The following HIPK1 variants were observed in gnomAD, a reference collection of about 807,000 sequenced individuals.
HIPK1 encodes the protein homeodomain interacting protein kinase 1.
A neutral mutation model predicts 117.1 loss-of-function variants in HIPK1; 28 were observed. The ratio of observed to expected loss-of-function variants is 0.24; its 90% CI spans 0.18 to 0.33. HIPK1 has a LOEUF of 0.33. Ranked by LOEUF, HIPK1 falls within the 10% of genes least tolerant of loss-of-function variation. HIPK1 has a pLI of 1.00. For synonymous variants in HIPK1, 605 were observed against 562.5 expected, an observed-to-expected ratio of 1.08 and a Z score of -1.07; for missense variants, 1,122 against 1,475.1, an observed-to-expected ratio of 0.76 and a Z score of 3.92.
intron 13 of HIPK1, among the ~76,000 whole-genome samples, chr1:113,969,606 C>T (rs1006204244): frequency 8.5e-5 from 13 of 152,214 alleles, no homozygotes; most frequent in Non-Finnish European, 1.6e-4. Context: ...ATCTAAGAAA[C>T]ATTGCTTAAA....
rs1673163639 is a variant in HIPK1 at position 113,976,894 on chromosome 1, G to GT, written c.*3383dup. On this transcript the variant is annotated 3_prime_UTR_variant, in exon 16 of 16. Transcript: ENST00000426820. ...GAGAAGAAGCGGAGAAGGGTTCAGT[G>GT]TAGCCACTCTGGGCTCATAGGGACA... The GT allele has an allele frequency of 6.5e-6, 1 of 152,782 alleles. No individual in the cohort carries two copies. Among genetic ancestry groups the GT allele is most frequent in the African/African-American group, 2.4e-5 (1 of 41,456 alleles). 9.5% of individuals were successfully genotyped at this position (152,782 alleles called of 1,614,324 possible).
Position 113,973,318 on chromosome 1 carries a change from A to G in HIPK1, c.3439A>G (p.Thr1147Ala), listed in dbSNP as rs774661494. 1.2e-6 allele frequency: 2 copies of G among 1,613,412 alleles called. No homozygotes were observed. Among genetic ancestry groups the G allele is most frequent in the Non-Finnish European group, 1.7e-6 (2 of 1,179,846 alleles). Residue 1147 changes from threonine (T) to alanine (A), a missense_variant, in exon 16 of 16, where the codon ACT (threonine) becomes GCT (alanine). Transcript: ENST00000426820. ...CTCAAGGCATGCTGCAGCCTATACC[A>G]CTCACCCTAGCACTTTGGTGCACCA... ...GSSRHAAAYT[T>A]HPSTLVHQVP...
chr1:113,929,581 C>T (rs778014140), intron 1 of HIPK1, 49 bp downstream of exon 1: 5 of 1,256,534 alleles, frequency 4.0e-6, no homozygotes, highest in Non-Finnish European at 4.2e-6. Flanking sequence ...GAGGCGGGGC[C>T]GGCCGGGTTG....
At chr1:113,942,394 A>G (rs1307609955) in intron 2 of HIPK1, among the ~76,000 whole-genome samples, 3 of 152,126 alleles carry the variant, frequency 2.0e-5, no homozygotes, top group Non-Finnish European at 4.4e-5. Context: ...ACACAAAGAT[A>G]TTTACTTATT....
rs1673044044 is a variant in HIPK1 at position 113,974,586 on chromosome 1, T to C, written c.*1074T>C. The C allele has an allele frequency of 6.5e-6, 1 of 152,768 alleles. No individual in the cohort carries two copies. Among genetic ancestry groups the C allele is most frequent in the African/African-American group, 2.4e-5 (1 of 41,460 alleles). 9.5% of individuals were successfully genotyped at this position (152,768 alleles called of 1,614,324 possible). A position where few individuals can be genotyped will look rare whatever the true frequency, so the allele number is the denominator to read the frequency against. On this transcript the variant is annotated 3_prime_UTR_variant, in exon 16 of 16. Transcript: ENST00000426820. The stretch of plus-strand genomic sequence containing the variant: ...TGAAACCAGATAAGAACATTTCTTG[T>C]GTATAGCTTTTATACTTCAAAGTAG...
intron 8 of HIPK1, among the ~76,000 whole-genome samples, chr1:113,961,937 C>A: frequency 1.0e-5 from 1 of 98,324 alleles, no homozygotes; most frequent in Non-Finnish European, 1.8e-5. Context: ...AGCGAGACTC[C>A]ATCTCAAAAA....
At chr1:113,945,291 C>T (rs1670917156) in intron 2 of HIPK1, among the ~76,000 whole-genome samples, 1 of 152,106 alleles carries the variant, frequency 6.6e-6, no homozygotes, top group African/African-American at 2.4e-5. Flanking sequence ...CCTTGGGTTG[C>T]CTTTTTACCT....
intron 3 of HIPK1, among the ~76,000 whole-genome samples, chr1:113,954,301 T>C (rs900473773): frequency 6.6e-6 from 1 of 152,214 alleles, no homozygotes; most frequent in Non-Finnish European, 1.5e-5. Flanking sequence ...TAAATACACT[T>C]CTACCTTGTC....
chr1:113,930,594 G>C (rs998288302), intron 1 of HIPK1: 1 of 152,612 alleles, frequency 6.6e-6, no homozygotes, highest in East Asian at 1.9e-4. Flanking sequence ...ACAAAAGGGA[G>C]GGGGAAGGTG....
intron 1 of HIPK1, among the ~76,000 whole-genome samples, chr1:113,937,134 C>G (rs548334644): frequency 6.6e-6 from 1 of 152,132 alleles, no homozygotes; most frequent in African/African-American, 2.4e-5. Context: ...ATTGTACTGA[C>G]CTTAGCTTTT....
At chr1:113,942,376 C>G (rs1286362224) in intron 2 of HIPK1, among the ~76,000 whole-genome samples, 1 of 152,180 alleles carries the variant, frequency 6.6e-6, no homozygotes, top group Non-Finnish European at 1.5e-5. Flanking sequence ...TTTGAAGAGT[C>G]TTGAAATACA....
intron 1 of HIPK1, 155 bp downstream of exon 1, chr1:113,929,687 C>T (rs1157553518): frequency 9.2e-6 from 8 of 866,936 alleles, no homozygotes; most frequent in Non-Finnish European, 1.2e-5. Flanking sequence ...CAGCAGGAGG[C>T]CGAGGCGGGA....
chr1:113,946,088 A>C (rs185990235), intron 2 of HIPK1, among the ~76,000 whole-genome samples: 2 of 152,170 alleles, frequency 1.3e-5, no homozygotes, highest in African/African-American at 4.8e-5. Flanking sequence ...AACCTTGGCT[A>C]ACTTTAAGAA....
chr1:113,967,757 T>C lies in HIPK1; in HGVS notation c.2382-9T>C. On this transcript the variant is annotated splice_polypyrimidine_tract_variant and intron_variant, in intron 11 of 15. Transcript: ENST00000426820. ...GAATTCACTCTTCTCTTTCTTTCTG[T>C]TGGTACAGGAATGCCCACTCTCATG... 1 of 1,481,444 alleles carries C rather than the reference T, an allele frequency of 6.8e-7. No individual in the cohort carries two copies. The highest frequency in any genetic ancestry group is 9.0e-7 in the Non-Finnish European group (1 of 1,115,914). 91.8% of individuals were successfully genotyped at this position (1,481,444 alleles called of 1,614,324 possible).
intron 1 of HIPK1, among the ~76,000 whole-genome samples, chr1:113,934,873 C>T (rs1571643168): frequency 6.7e-6 from 1 of 148,542 alleles, no homozygotes; most frequent in East Asian, 2.0e-4. Flanking sequence ...GCCTGTAGTC[C>T]TAGCTACTTG....
At chr1:113,949,555 A>G (rs1301275609) in intron 2 of HIPK1, among the ~76,000 whole-genome samples, 1 of 151,320 alleles carries the variant, frequency 6.6e-6, no homozygotes, top group Non-Finnish European at 1.5e-5. Context: ...GCCTCTAGCC[A>G]CCTGCAACAG....
At position 113,962,285 on chromosome 1, in the gene HIPK1, A is replaced by G. The variant is rs780273893; in HGVS notation, c.1982-32A>G. The G allele has an allele frequency of 8.1e-6, 13 of 1,608,486 alleles. No homozygotes were observed. The Admixed American group carries it at 2.0e-4, about 25-fold the overall frequency. ...TAAAACAGTACTCCCAGACCTTGCA[A>G]AACTATTTAACTGTGATGCTGTTTT... On this transcript the variant is annotated intron_variant, in intron 8 of 15. Coordinates refer to ENST00000426820, the MANE Select transcript of HIPK1 (RefSeq NM_198268.3).
At chr1:113,932,296 A>G (rs1358868556) in intron 1 of HIPK1, 1 of 152,086 alleles carries the variant, frequency 6.6e-6, no homozygotes, top group Non-Finnish European at 1.5e-5. Flanking sequence ...GCTTAAGGAA[A>G]AAGAATGAGA....
intron 10 of HIPK1, among the ~76,000 whole-genome samples, chr1:113,964,395 A>C (rs773558400): frequency 2.0e-5 from 3 of 152,192 alleles, no homozygotes; most frequent in Non-Finnish European, 4.4e-5. Flanking sequence ...CAAGACTTTG[A>C]GGTGTGTTTC....
Sources: gnomAD v4.1 joint callset for allele counts (sites outside exome capture counted in the v4.1 genomes callset) on GRCh38, gnomAD v4.1.1 for gene constraint, MANE v1.5 for transcripts, NCBI Gene and HGNC (gene_info 2026-07-23, HGNC 2026-07-21) for gene names.